The following MYH11 variants were observed in gnomAD, a reference collection of about 807,000 sequenced individuals.
MYH11 encodes myosin heavy chain 11, also known as myosin-11.
In MYH11, 80 loss-of-function variants were observed where a neutral mutation model predicts 246.6. The observed-to-expected ratio is 0.32, with a 90% CI of 0.27 to 0.39. The LOEUF (loss-of-function observed/expected upper bound fraction) is 0.39. Among genes scored for constraint, MYH11 ranks in the 10% least tolerant of loss-of-function variants. The probability of loss-of-function intolerance (pLI) is 1.00; values close to 1 mark genes in which losing one functional copy is unlikely to be tolerated. For missense variants in MYH11, 2,158 were observed against 2,546.8 expected, an observed-to-expected ratio of 0.85 and a Z score of 3.29; for synonymous variants, 1,071 against 1,015.5, an observed-to-expected ratio of 1.05 and a Z score of -1.04.
intron 8 of MYH11, among the ~76,000 whole-genome samples, chr16:15,772,186 G>A (rs1009746110): frequency 1.4e-5 from 2 of 143,740 alleles, no homozygotes; most frequent in African/African-American, 2.6e-5. Flanking sequence ...CCGCCTCCCA[G>A]GTTCAAGCGA....
chr16:15,852,712 A>G (rs1232265606), intron 1 of MYH11, among the ~76,000 whole-genome samples: 18 of 152,032 alleles, frequency 1.2e-4, no homozygotes, highest in Admixed American at 1.2e-3. Flanking sequence ...CAGCAAGCGC[A>G]TTTCTGGGAA....
intron 27 of MYH11, 107 bp from the exon 28 acceptor site, chr16:15,727,161 G>T: frequency 1.1e-6 from 1 of 942,760 alleles, no homozygotes; most frequent in Non-Finnish European, 1.7e-6. Context: ...GCACACAACA[G>T]GGGGCACACA....
intron 22 of MYH11, among the ~76,000 whole-genome samples, chr16:15,740,755 C>T (rs1381384077): frequency 6.6e-6 from 1 of 152,152 alleles, no homozygotes; most frequent in African/African-American, 2.4e-5. Context: ...AAGGTGGAGC[C>T]TAATTCTCCT....
At chr16:15,775,885 G>C (rs1023516489) in intron 8 of MYH11, 193 bp downstream of exon 8, 1 of 642,744 alleles carries the variant, frequency 1.6e-6, no homozygotes, top group African/African-American at 1.8e-5. Flanking sequence ...TAGGTGCTCA[G>C]TAAATGAGAA....
intron 40 of MYH11, chr16:15,708,735 G>T: frequency 6.6e-7 from 1 of 1,503,764 alleles, no homozygotes; most frequent in Non-Finnish European, 9.1e-7. Flanking sequence ...GTGGGCAGAG[G>T]GGCGCATTGG....
chr16:15,771,540 A>AC (rs1166701092), intron 9 of MYH11, 29 bp downstream of exon 9: 1 of 1,610,140 alleles, frequency 6.2e-7, no homozygotes, highest in South Asian at 1.1e-5. Flanking sequence ...CAGGCAAGCT[A>AC]CCCTCCAGAC....
At chr16:15,807,678 C>T (rs1163611519) in intron 3 of MYH11, among the ~76,000 whole-genome samples, 3 of 152,110 alleles carry the variant, frequency 2.0e-5, no homozygotes, top group African/African-American at 7.2e-5. Context: ...CTGAGCTTCC[C>T]AGCCCAGATC....
chr16:15,758,888 C>T (rs1027514764), intron 12 of MYH11, among the ~76,000 whole-genome samples: 1 of 150,446 alleles, frequency 6.6e-6, no homozygotes, highest in African/African-American at 2.5e-5. Context: ...TGCTTGAACC[C>T]AGGAGGCGGA....
Position 15,722,293 on chromosome 16 carries a change from A to G in MYH11, c.4366-659T>C, listed in dbSNP as rs534692448. Among the ~76,000 whole-genome samples, 6 of 152,336 alleles carry G rather than the reference A, an allele frequency of 3.9e-5. No homozygotes were observed. The South Asian group carries it at 1.0e-3, about 26-fold the overall frequency. Reference sequence around the variant, plus strand: ...CACAAGTAGCTATTAATATCTTACAAAAGTATCCTAAGAGCCTCAGTAGGG... The same window carrying G: ...CACAAGTAGCTATTAATATCTTACAGAAGTATCCTAAGAGCCTCAGTAGGG... On this transcript the variant is annotated intron_variant, in intron 31 of 40. Transcript: ENST00000300036.
At chr16:15,798,868 A>T (rs921068153) in intron 3 of MYH11, among the ~76,000 whole-genome samples, 181 bp from the exon 4 acceptor site, 3 of 152,186 alleles carry the variant, frequency 2.0e-5, no homozygotes, top group African/African-American at 7.2e-5. Context: ...CAAAGCCAAA[A>T]GGGCAGCCCC....
intron 14 of MYH11, among the ~76,000 whole-genome samples, chr16:15,754,142 G>A (rs113563293): frequency 0.016 from 2,405 of 152,198 alleles, 66 homozygotes; most frequent in African/African-American, 0.054. Flanking sequence ...GCTTCAGCCT[G>A]GGAGGCGGAG....
In MYH11 at chr16:15,725,150, C is replaced by A. The variant is rs79015533; in HGVS notation, c.3859-158G>T. ...GGACTCTGATAAAAAAAAAAAAAAA[C>A]ACACACACACACAAAAAAAACAGAA... On this transcript the variant is annotated intron_variant, in intron 28 of 40. Coordinates refer to ENST00000300036, the MANE Select transcript of MYH11 (RefSeq NM_002474.3). The A allele has an allele frequency of 0.1, 51,849 of 519,144 alleles. 1,874 individuals are homozygous for A. The highest frequency in any genetic ancestry group is 0.15 in the African/African-American group (6,842 of 45,792). 32.2% of individuals were successfully genotyped at this position (519,144 alleles called of 1,614,324 possible). A position where few individuals can be genotyped will look rare whatever the true frequency, so the allele number is the denominator to read the frequency against.
chr16:15,705,984 CAAAAAAA>C (rs57451847), intron 40 of MYH11, among the ~76,000 whole-genome samples: 5 of 56,764 alleles, frequency 8.8e-5, no homozygotes, highest in African/African-American at 3.4e-4. Context: ...GACTCCGTCT[CAAAAAAA>C]AAAAAAAAAA....
intron 2 of MYH11, among the ~76,000 whole-genome samples, chr16:15,832,574 G>C (rs1393574986): frequency 6.6e-6 from 1 of 152,176 alleles, no homozygotes; most frequent in African/African-American, 2.4e-5. Context: ...GCCAGAAACA[G>C]ATTTCTTTTT....
At chr16:15,769,310 C>T (rs542263084) in intron 9 of MYH11, among the ~76,000 whole-genome samples, 1 of 152,302 alleles carries the variant, frequency 6.6e-6, no homozygotes, top group South Asian at 2.1e-4. Flanking sequence ...TAGCAAGCCT[C>T]CATCTCAAAC....
At chr16:15,848,739 C>T (rs1345480375) in intron 1 of MYH11, among the ~76,000 whole-genome samples, 2 of 152,114 alleles carry the variant, frequency 1.3e-5, no homozygotes, top group Admixed American at 6.6e-5. Context: ...AGTTGAGAAC[C>T]ACAGCTTTAG....
intron 13 of MYH11, among the ~76,000 whole-genome samples, chr16:15,757,508 T>TAAAAAAA (rs71134455): frequency 4.9e-4 from 32 of 65,474 alleles, no homozygotes; most frequent in African/African-American, 6.2e-4. Flanking sequence ...GACCATGTCA[T>TAAAAAAA]AAAAAAAAAA....
intron 3 of MYH11, among the ~76,000 whole-genome samples, chr16:15,811,141 C>T (rs2043128955): frequency 6.6e-6 from 1 of 152,242 alleles, no homozygotes; most frequent in East Asian, 1.9e-4. Flanking sequence ...CCATGTGAGA[C>T]ACAGCGAGAA....
At chr16:15,712,484 CTAAAAATA>C (rs1307713230) in intron 40 of MYH11, among the ~76,000 whole-genome samples, 1 of 151,962 alleles carries the variant, frequency 6.6e-6, no homozygotes, top group African/African-American at 2.4e-5. Flanking sequence ...CCCATCTCTA[CTAAAAATA>C]TAAAAATAGG....
Sources: gnomAD v4.1 joint callset for allele counts (sites outside exome capture counted in the v4.1 genomes callset) on GRCh38, gnomAD v4.1.1 for gene constraint, MANE v1.5 for transcripts, NCBI Gene and HGNC (gene_info 2026-07-23, HGNC 2026-07-21) for gene names.